The following CNTNAP2 variants were observed in gnomAD, a reference collection of about 807,000 sequenced individuals.
CNTNAP2 encodes the protein contactin associated protein 2, also known as contactin-associated protein-like 2.
In CNTNAP2, 98 loss-of-function variants were observed where a neutral mutation model predicts 155.2. That is an observed-to-expected ratio of 0.63 (90% CI 0.54 to 0.75). CNTNAP2 has a LOEUF of 0.75. Among genes scored for constraint, CNTNAP2 ranks in the 30% least tolerant of loss-of-function variants. The pLI is 0.00. For synonymous variants in CNTNAP2, 651 were observed against 631.2 expected (o/e 1.03, Z -0.47); for missense variants, 1,727 against 1,688.1 (o/e 1.02, Z -0.40).
At chr7:146,739,042 C>G (rs1261685844) in intron 1 of CNTNAP2, among the ~76,000 whole-genome samples, 1 of 151,804 alleles carries the variant, frequency 6.6e-6, no homozygotes, top group Non-Finnish European at 1.5e-5. Context: ...CTTAGGCTAA[C>G]TAAAGATTTG....
intron 21 of CNTNAP2, among the ~76,000 whole-genome samples, chr7:148,354,038 G>A (rs1798471365): frequency 6.6e-6 from 1 of 152,102 alleles, no homozygotes; most frequent in Admixed American, 6.5e-5. Flanking sequence ...CTAACTTTGT[G>A]CTATTTTGAG....
intron 1 of CNTNAP2, among the ~76,000 whole-genome samples, chr7:146,586,992 T>A (rs912952524): frequency 5.3e-5 from 8 of 152,090 alleles, no homozygotes; most frequent in African/African-American, 1.9e-4. Flanking sequence ...TAAATATTTC[T>A]TATTAAATAT....
intron 9 of CNTNAP2, among the ~76,000 whole-genome samples, chr7:147,318,760 A>T (rs1220540802): frequency 1.3e-5 from 2 of 152,148 alleles, no homozygotes; most frequent in Non-Finnish European, 2.9e-5. Context: ...GCAGCAAACC[A>T]CCATGGCACA....
At chr7:147,833,348 C>T (rs907134009) in intron 13 of CNTNAP2, among the ~76,000 whole-genome samples, 1 of 152,022 alleles carries the variant, frequency 6.6e-6, no homozygotes, top group Non-Finnish European at 1.5e-5. Context: ...TTAATCTCTC[C>T]GAGCTTCAAC....
intron 13 of CNTNAP2, among the ~76,000 whole-genome samples, chr7:147,902,453 G>T (rs1298700964): frequency 6.6e-6 from 1 of 152,032 alleles, no homozygotes; most frequent in Non-Finnish European, 1.5e-5. Context: ...GTAGTATTTG[G>T]TTGCATGAGT....
At chr7:146,719,665 G>A (rs532018715) in intron 1 of CNTNAP2, among the ~76,000 whole-genome samples, 35 of 151,320 alleles carry the variant, frequency 2.3e-4, no homozygotes, top group Non-Finnish European at 3.5e-4. Context: ...TAATTTGTTC[G>A]TCCTTGAATT....
At chr7:147,825,706 G>A (rs1798435528) in intron 13 of CNTNAP2, among the ~76,000 whole-genome samples, 1 of 152,062 alleles carries the variant, frequency 6.6e-6, no homozygotes, top group Non-Finnish European at 1.5e-5. Context: ...ATATATATGT[G>A]CAAATCAAGA....
intron 1 of CNTNAP2, among the ~76,000 whole-genome samples, chr7:146,301,824 G>A (rs2129088477): frequency 6.6e-6 from 1 of 152,244 alleles, no homozygotes; most frequent in Admixed American, 6.5e-5. Flanking sequence ...GGGTGTGGAA[G>A]TAACCAAAGA....
intron 15 of CNTNAP2, among the ~76,000 whole-genome samples, chr7:148,048,830 G>A (rs1802826515): frequency 1.3e-5 from 2 of 152,136 alleles, no homozygotes; most frequent in South Asian, 4.1e-4. Flanking sequence ...GAGTAGGGCT[G>A]GTTAAGTGGC....
chr7:147,834,286 C>T (rs911135816), intron 13 of CNTNAP2, among the ~76,000 whole-genome samples: 7 of 152,124 alleles, frequency 4.6e-5, no homozygotes, highest in Non-Finnish European at 8.8e-5. Flanking sequence ...AAGTGATTTC[C>T]ATTTAAAGCT....
intron 3 of CNTNAP2, among the ~76,000 whole-genome samples, chr7:147,032,184 A>G (rs748700612): frequency 3.3e-5 from 5 of 152,240 alleles, no homozygotes; most frequent in Non-Finnish European, 7.3e-5. Context: ...TGCTCCCTGA[A>G]CAGTCTGCAG....
chr7:147,688,495 C>T (rs1796046422), intron 13 of CNTNAP2, among the ~76,000 whole-genome samples: 2 of 152,168 alleles, frequency 1.3e-5, no homozygotes, highest in East Asian at 1.9e-4. Context: ...CAGCTCAACT[C>T]CCAGAACAGC....
chr7:146,932,885 G>T (rs188755812), intron 3 of CNTNAP2, among the ~76,000 whole-genome samples: 78 of 152,264 alleles, frequency 5.1e-4, no homozygotes, highest in Middle Eastern at 3.4e-3. Flanking sequence ...CACAAGGGAT[G>T]TGAAGGACCT....
At chr7:147,303,707 G>A (rs1001792567) in intron 9 of CNTNAP2, among the ~76,000 whole-genome samples, 3 of 152,082 alleles carry the variant, frequency 2.0e-5, no homozygotes, top group African/African-American at 7.2e-5. Flanking sequence ...CTATTAAATG[G>A]CAATAGAATC....
chr7:147,291,440 A>T (rs977961671), intron 8 of CNTNAP2, among the ~76,000 whole-genome samples: 1 of 152,180 alleles, frequency 6.6e-6, no homozygotes, highest in Admixed American at 6.5e-5. Flanking sequence ...TTTTTCTTAC[A>T]AAACACAATA....
At chr7:146,235,053 T>C (rs1799448912) in intron 1 of CNTNAP2, among the ~76,000 whole-genome samples, 1 of 152,142 alleles carries the variant, frequency 6.6e-6, no homozygotes, top group Admixed American at 6.6e-5. Context: ...TAGGAAAGTA[T>C]GAACAGAGAG....
At chr7:147,267,997 C>A (rs1302269543) in intron 8 of CNTNAP2, among the ~76,000 whole-genome samples, 1 of 152,180 alleles carries the variant, frequency 6.6e-6, no homozygotes, top group Admixed American at 6.5e-5. Context: ...GTTCCTCCCA[C>A]ACACATGGTC....
At chr7:147,628,481 G>T (rs1010246345) in intron 12 of CNTNAP2, among the ~76,000 whole-genome samples, 3 of 151,878 alleles carry the variant, frequency 2.0e-5, no homozygotes, top group African/African-American at 4.8e-5. Flanking sequence ...TGCTAAAAGG[G>T]GTTCTAAATC....
At chr7:147,481,999 A>G (rs1228660454) in intron 10 of CNTNAP2, among the ~76,000 whole-genome samples, 2 of 152,162 alleles carry the variant, frequency 1.3e-5, no homozygotes, top group Non-Finnish European at 2.9e-5. Context: ...TTCTTCTGAA[A>G]TTACTTGTTT....
Sources: gnomAD v4.1 joint callset for allele counts (sites outside exome capture counted in the v4.1 genomes callset) on GRCh38, gnomAD v4.1.1 for gene constraint, MANE v1.5 for transcripts, NCBI Gene and HGNC (gene_info 2026-07-23, HGNC 2026-07-21) for gene names.